KCNQ3: variants seen among roughly 807,000 people sequenced by gnomAD.
KCNQ3 encodes the protein potassium voltage-gated channel subfamily KQT member 3.
KCNQ3 carries 30 observed loss-of-function variants against 92.5 expected under a neutral mutation model. The observed-to-expected ratio is 0.32, with a 90% CI of 0.24 to 0.44. The LOEUF (loss-of-function observed/expected upper bound fraction) is 0.44, where lower values mean the gene tolerates loss of function less well. Ranked by LOEUF, KCNQ3 falls within the 20% of genes least tolerant of loss-of-function variation. The pLI, the probability that KCNQ3 is intolerant of heterozygous loss-of-function variation, is 1.00. For synonymous variants in KCNQ3, 450 were observed against 468.8 expected, an observed-to-expected ratio of 0.96 and a Z score of 0.52; for missense variants, 913 against 1,140.3, an observed-to-expected ratio of 0.80 and a Z score of 2.87.
At chr8:132,476,044 A>G (rs1822403280) in intron 1 of KCNQ3, among the ~76,000 whole-genome samples, 1 of 152,262 alleles carries the variant, frequency 6.6e-6, no homozygotes, top group East Asian at 1.9e-4. Flanking sequence ...GGTACAGCTC[A>G]GCCCATTGCT....
chr8:132,329,858 G>A (rs528290132), intron 1 of KCNQ3, among the ~76,000 whole-genome samples: 154 of 152,262 alleles, frequency 1.0e-3, no homozygotes, highest in African/African-American at 3.5e-3. Context: ...GTGTGCCCTC[G>A]CAACTCATGA....
intron 1 of KCNQ3, among the ~76,000 whole-genome samples, chr8:132,389,670 A>G (rs1159652782): frequency 1.3e-5 from 2 of 152,216 alleles, no homozygotes; most frequent in Non-Finnish European, 2.9e-5. Flanking sequence ...ACCAAATGAA[A>G]AGTGAGCAAC....
intron 1 of KCNQ3, among the ~76,000 whole-genome samples, chr8:132,227,511 C>T (rs969120625): frequency 1.3e-5 from 2 of 152,178 alleles, no homozygotes; most frequent in South Asian, 2.1e-4. Context: ...TGCTGACACA[C>T]TGATCGTGGA....
intron 1 of KCNQ3, among the ~76,000 whole-genome samples, chr8:132,410,910 C>T (rs968274213): frequency 1.3e-4 from 20 of 152,200 alleles, no homozygotes; most frequent in Admixed American, 3.3e-4. Context: ...TGAGGCCAGA[C>T]CAGCACATCT....
rs1318805473 is a variant in KCNQ3 at position 132,278,030 on chromosome 8, G to A, written c.387-91849C>T. On this transcript the variant is annotated intron_variant, in intron 1 of 14. Coordinates refer to ENST00000388996, the MANE Select transcript of KCNQ3 (RefSeq NM_004519.4). ...TGATAGGCAGGAATTCAAGGCTACAGAGCTCAGATTCAAACAAGTCAGGAG... is the reference window on the plus strand; with the variant it reads ...TGATAGGCAGGAATTCAAGGCTACAAAGCTCAGATTCAAACAAGTCAGGAG... 4.1e-6 allele frequency: 4 copies of A among 985,280 alleles called. No individual in the cohort carries two copies. In the African/African-American group the frequency reaches 7.0e-5, roughly 17 times the overall value. 61.0% of individuals were successfully genotyped at this position (985,280 alleles called of 1,614,324 possible).
intron 1 of KCNQ3, among the ~76,000 whole-genome samples, chr8:132,383,687 C>T (rs1819816503): frequency 6.6e-6 from 1 of 152,186 alleles, no homozygotes; most frequent in African/African-American, 2.4e-5. Context: ...GGTACATGCA[C>T]ACACAGAGGA....
chr8:132,356,179 T>C (rs1444126983), intron 1 of KCNQ3, among the ~76,000 whole-genome samples: 1 of 152,202 alleles, frequency 6.6e-6, no homozygotes, highest in Non-Finnish European at 1.5e-5. Flanking sequence ...AGTTCCTTGT[T>C]ATTCAGAAAG....
chr8:132,311,951 T>C (rs1427394113), intron 1 of KCNQ3, among the ~76,000 whole-genome samples: 1 of 142,090 alleles, frequency 7.0e-6, no homozygotes, highest in African/African-American at 2.5e-5. Flanking sequence ...GTGACTGATA[T>C]CGTTATAAAC....
intron 10 of KCNQ3, chr8:132,140,519 C>T: frequency 3.3e-6 from 1 of 299,040 alleles, no homozygotes; most frequent in African/African-American, 2.2e-5. Context: ...ACAACACACA[C>T]TGTGCAGGCC....
chr8:132,358,784 G>A (rs1819084323), intron 1 of KCNQ3, among the ~76,000 whole-genome samples: 1 of 152,184 alleles, frequency 6.6e-6, no homozygotes, highest in Non-Finnish European at 1.5e-5. Context: ...ATGAATTTGT[G>A]TGGATGTACA....
chr8:132,452,937 A>G lies in KCNQ3; in HGVS notation c.386+27210T>C, dbSNP rs144505269. ...TTAATGAAGGGAGACAAATCAGTAA[A>G]TAAACATGTAACTTACAGATTATGA... On this transcript the variant is annotated intron_variant, in intron 1 of 14. Transcript: ENST00000388996. Among the ~76,000 whole-genome samples, 1,278 of 152,334 alleles carry G rather than the reference A, an allele frequency of 8.4e-3. 7 individuals carry two copies. Among genetic ancestry groups the G allele is most frequent in the Middle Eastern group, 0.014 (4 of 294 alleles).
intron 1 of KCNQ3, among the ~76,000 whole-genome samples, chr8:132,202,539 G>A (rs1039640385): frequency 3.3e-5 from 5 of 152,130 alleles, no homozygotes; most frequent in Admixed American, 6.5e-5. Flanking sequence ...AGCACCTTGA[G>A]TGCTTTGCTG....
chr8:132,309,304 C>A (rs1390789547), intron 1 of KCNQ3, among the ~76,000 whole-genome samples: 1 of 152,266 alleles, frequency 6.6e-6, no homozygotes, highest in Middle Eastern at 3.4e-3. Flanking sequence ...CTCTAGAGAA[C>A]CGTAATACAC....
At chr8:132,155,196 G>A (rs769452618) in intron 9 of KCNQ3, among the ~76,000 whole-genome samples, 5 of 152,066 alleles carry the variant, frequency 3.3e-5, no homozygotes, top group Non-Finnish European at 7.4e-5. Context: ...AGATTGTGAG[G>A]GCCTTTCCCG....
At chr8:132,431,493 C>A (rs1466940691) in intron 1 of KCNQ3, among the ~76,000 whole-genome samples, 1 of 152,226 alleles carries the variant, frequency 6.6e-6, no homozygotes, top group Non-Finnish European at 1.5e-5. Flanking sequence ...TCTCCTGGGC[C>A]AGCTCATCTC....
At chr8:132,395,184 C>T (rs534108206) in intron 1 of KCNQ3, among the ~76,000 whole-genome samples, 2 of 152,280 alleles carry the variant, frequency 1.3e-5, no homozygotes, top group East Asian at 3.9e-4. Flanking sequence ...CATAGTGATG[C>T]TTCGATATGT....
chr8:132,293,898 C>T (rs1816932747), intron 1 of KCNQ3, among the ~76,000 whole-genome samples: 1 of 152,138 alleles, frequency 6.6e-6, no homozygotes, highest in South Asian at 2.1e-4. Flanking sequence ...TAGAACTCTC[C>T]TCCATCAACC....
At chr8:132,457,454 A>G (rs982369977) in intron 1 of KCNQ3, among the ~76,000 whole-genome samples, 15 of 152,240 alleles carry the variant, frequency 9.9e-5, no homozygotes, top group African/African-American at 3.6e-4. Flanking sequence ...TCCCACTTCC[A>G]TATAAAGGGT....
intron 6 of KCNQ3, among the ~76,000 whole-genome samples, chr8:132,173,206 T>C (rs1463139098): frequency 6.6e-6 from 1 of 152,188 alleles, no homozygotes; most frequent in Non-Finnish European, 1.5e-5. Flanking sequence ...AGGTCAGACT[T>C]GCCAGTGGAT....
Sources: gnomAD v4.1 joint callset for allele counts (sites outside exome capture counted in the v4.1 genomes callset) on GRCh38, gnomAD v4.1.1 for gene constraint, MANE v1.5 for transcripts, NCBI Gene and HGNC (gene_info 2026-07-23, HGNC 2026-07-21) for gene names.